CD247: variants seen among roughly 807,000 people sequenced by gnomAD.
CD247 encodes CD247 molecule.
A neutral mutation model predicts 30.0 loss-of-function variants in CD247; 13 were observed. The observed-to-expected ratio is 0.43, with a 90% CI of 0.28 to 0.69. The LOEUF (loss-of-function observed/expected upper bound fraction) is 0.69, where lower values mean the gene tolerates loss of function less well. Ranked by LOEUF, CD247 falls within the 30% of genes least tolerant of loss-of-function variation. The pLI is 0.16. For missense variants in CD247, 193 were observed against 212.6 expected (o/e 0.91, Z 0.57); for synonymous variants, 72 against 80.0 (o/e 0.90, Z 0.53).
intron 1 of CD247, among the ~76,000 whole-genome samples, chr1:167,466,212 A>T (rs1653239070): frequency 6.6e-6 from 1 of 152,210 alleles, no homozygotes. Context: ...TCTCAGTATT[A>T]CTACCAATCA....
chr1:167,465,545 GGTCTT>G (rs1653207814), intron 1 of CD247, among the ~76,000 whole-genome samples: 1 of 151,944 alleles, frequency 6.6e-6, no homozygotes, highest in Non-Finnish European at 1.5e-5. Flanking sequence ...TGGCCAGGCT[GGTCTT>G]GAACTCCTGA....
Position 167,431,688 on chromosome 1 carries a change from G to T in CD247, c.488C>A (p.Pro163His). Residue 163 changes from proline (P) to histidine (H), a missense_variant, in exon 8 of 8, where the codon CCT (proline) becomes CAT (histidine). Transcript: ENST00000362089. ...YDALHMQALPPR is the reference protein window; with the variant it reads ...YDALHMQALPHR ...GGTGAAATCCCCTGGCTGTTAGCGA[G>T]GGGGCAGGGCCTGCATGTGAAGGGC... is the stretch of plus-strand genomic sequence containing the variant. The T allele has an allele frequency of 6.2e-7, 1 of 1,613,802 alleles. No homozygotes were observed. Among genetic ancestry groups the T allele is most frequent in the Non-Finnish European group, 8.5e-7 (1 of 1,179,676 alleles).
chr1:167,444,637 T>C (rs1171242433), intron 1 of CD247, among the ~76,000 whole-genome samples: 5 of 152,124 alleles, frequency 3.3e-5, no homozygotes, highest in Non-Finnish European at 7.4e-5. Context: ...AACCTGGGCA[T>C]GGGGACTTCA....
At chr1:167,514,323 G>T (rs1048510091) in intron 1 of CD247, among the ~76,000 whole-genome samples, 2 of 152,034 alleles carry the variant, frequency 1.3e-5, no homozygotes, top group Admixed American at 6.5e-5. Context: ...TTTTTTAGTG[G>T]AGATGGGGTT....
Position 167,493,570 on chromosome 1 carries a change from G to A in CD247, c.58+24838C>T, listed in dbSNP as rs537189178. On this transcript the variant is annotated intron_variant, in intron 1 of 7. Transcript: ENST00000362089. ...TAGGTGCTATTGTGCCCATTTTATA[G>A]TTGGGGATACTGAGGCTTAGGAAAG... 4.6e-5 allele frequency among the ~76,000 whole-genome samples: 7 copies of A among 152,286 alleles called. No individual in the cohort carries two copies. In the South Asian group the frequency reaches 1.2e-3, roughly 27 times the overall value.
chr1:167,506,311 T>C (rs1655128409), intron 1 of CD247, among the ~76,000 whole-genome samples: 1 of 116,588 alleles, frequency 8.6e-6, no homozygotes, highest in African/African-American at 3.7e-5. Context: ...TTTCCTTTCC[T>C]TTCTTTTCTT....
At position 167,448,061 on chromosome 1, in the gene CD247, A is replaced by G. The variant is rs182149198; in HGVS notation, c.59-7294T>C. On this transcript the variant is annotated intron_variant, in intron 1 of 7. Transcript: ENST00000362089. ...TCCAGGCACCCAGACCATCCCCCTC[A>G]GTGGGTTGCTCCCTTTCATCGAATA... 5.3e-5 allele frequency among the ~76,000 whole-genome samples: 8 copies of G among 152,250 alleles called. No homozygotes were observed. The East Asian group carries it at 1.5e-3, about 29-fold the overall frequency.
chr1:167,473,046 T>C (rs559969884), intron 1 of CD247, among the ~76,000 whole-genome samples: 92 of 151,888 alleles, frequency 6.1e-4, no homozygotes, highest in African/African-American at 2.1e-3. Context: ...AGCTGGGGCC[T>C]TGAAGGATAT....
At chr1:167,460,389 T>C (rs368625509) in intron 1 of CD247, among the ~76,000 whole-genome samples, 2 of 151,782 alleles carry the variant, frequency 1.3e-5, no homozygotes, top group South Asian at 2.1e-4. Flanking sequence ...AGTGACAGAG[T>C]GAGACCCTGT....
chr1:167,434,097 C>T, intron 5 of CD247, 21 bp from the exon 6 acceptor site: 2 of 1,611,772 alleles, frequency 1.2e-6, no homozygotes, highest in Non-Finnish European at 8.5e-7. Context: ...GGGCGTGGAA[C>T]ACTGATTTTT....
chr1:167,466,412 C>CTT (rs199998437), intron 1 of CD247, among the ~76,000 whole-genome samples: 6 of 148,012 alleles, frequency 4.1e-5, no homozygotes, highest in African/African-American at 1.5e-4. Flanking sequence ...CCACATTCGT[C>CTT]TTTTTTTTTT....
chr1:167,433,733 A>T (rs1258512118), intron 6 of CD247, among the ~76,000 whole-genome samples: 2 of 152,256 alleles, frequency 1.3e-5, no homozygotes, highest in Non-Finnish European at 2.9e-5. Flanking sequence ...ACGGCAGCAC[A>T]TATTAAGCAC....
chr1:167,515,862 A>G (rs1308544866), intron 1 of CD247, among the ~76,000 whole-genome samples: 1 of 152,280 alleles, frequency 6.6e-6, no homozygotes, highest in Non-Finnish European at 1.5e-5. Context: ...ATGTAATAAT[A>G]GTAATAGTAA....
intron 1 of CD247, among the ~76,000 whole-genome samples, chr1:167,515,185 T>G (rs1009675240): frequency 1.3e-5 from 2 of 152,226 alleles, no homozygotes; most frequent in African/African-American, 4.8e-5. Context: ...ATGAAAAATT[T>G]GTACTGGTAT....
At chr1:167,439,710 C>A (rs1042243439) in intron 2 of CD247, 11 of 427,324 alleles carry the variant, frequency 2.6e-5, no homozygotes, top group Non-Finnish European at 4.7e-5. Flanking sequence ...TCTTGGTCTG[C>A]GCCCCCGGGG....
At chr1:167,455,919 C>T (rs1652633427) in intron 1 of CD247, among the ~76,000 whole-genome samples, 1 of 152,128 alleles carries the variant, frequency 6.6e-6, no homozygotes, top group Non-Finnish European at 1.5e-5. Flanking sequence ...CACACGAGCA[C>T]GGCGACAGTG....
At chr1:167,509,645 C>T (rs1257279519) in intron 1 of CD247, among the ~76,000 whole-genome samples, 1 of 152,176 alleles carries the variant, frequency 6.6e-6, no homozygotes, top group African/African-American at 2.4e-5. Flanking sequence ...AGTCTCTTCT[C>T]TGGGAACGCC....
chr1:167,504,126 G>A (rs1655021310), intron 1 of CD247, among the ~76,000 whole-genome samples: 1 of 152,166 alleles, frequency 6.6e-6, no homozygotes, highest in Admixed American at 6.5e-5. Flanking sequence ...GCTGCCTGGG[G>A]CCAAAGGCTG....
intron 1 of CD247, among the ~76,000 whole-genome samples, chr1:167,462,603 C>T (rs1653072457): frequency 6.6e-6 from 1 of 152,228 alleles, no homozygotes; most frequent in African/African-American, 2.4e-5. Flanking sequence ...AGGAGGAGAA[C>T]TGTTCCTTTT....
Sources: gnomAD v4.1 joint callset for allele counts (sites outside exome capture counted in the v4.1 genomes callset) on GRCh38, gnomAD v4.1.1 for gene constraint, MANE v1.5 for transcripts, NCBI Gene and HGNC (gene_info 2026-07-23, HGNC 2026-07-21) for gene names.